Variants in SYT6 observed in about 807,000 individuals in gnomAD.
SYT6 encodes the protein synaptotagmin-6.
A neutral mutation model predicts 38.4 loss-of-function variants in SYT6; 24 were observed. The ratio of observed to expected loss-of-function variants is 0.62; its 90% CI spans 0.45 to 0.88. The LOEUF (loss-of-function observed/expected upper bound fraction) is 0.88. Among genes scored for constraint, SYT6 ranks in the 40% least tolerant of loss-of-function variants. SYT6 has a pLI of 0.00. For missense variants in SYT6, 611 were observed against 621.0 expected (o/e 0.98, Z 0.17); for synonymous variants, 265 against 241.9 (o/e 1.10, Z -0.89).
intron 3 of SYT6, among the ~76,000 whole-genome samples, chr1:114,111,795 CT>C (rs1676698485): frequency 1.5e-5 from 1 of 67,726 alleles, no homozygotes; most frequent in East Asian, 3.5e-4. Context: ...GAGACTGACG[CT>C]CTGCCCGCCC....
intron 3 of SYT6, among the ~76,000 whole-genome samples, chr1:114,135,191 G>C (rs1383914896): frequency 6.6e-6 from 1 of 152,046 alleles, no homozygotes; most frequent in African/African-American, 2.4e-5. Flanking sequence ...GACTCCCTCT[G>C]CAACTGGCTG....
Sources: allele counts gnomAD v4.1 joint callset (sites outside exome capture counted in the v4.1 genomes callset), GRCh38; gene constraint gnomAD v4.1.1; transcripts MANE v1.5; gene names NCBI Gene and HGNC (gene_info 2026-07-23, HGNC 2026-07-21).